The following EYS variants were observed in gnomAD, a reference collection of about 807,000 sequenced individuals.
EYS encodes protein eyes shut homolog.
EYS carries 250 observed loss-of-function variants against 282.1 expected under a neutral mutation model. The observed-to-expected ratio is 0.89, with a 90% CI of 0.80 to 0.98. EYS has a LOEUF of 0.98. Ranked by LOEUF, EYS falls within the 50% of genes least tolerant of loss-of-function variation. The pLI is 0.00. For synonymous variants in EYS, 1,355 were observed against 1,282.9 expected (o/e 1.06, Z -1.20); for missense variants, 4,016 against 3,709.0 (o/e 1.08, Z -2.15).
At chr6:64,286,792 A>G (rs1162986953) in intron 30 of EYS, among the ~76,000 whole-genome samples, 7 of 152,282 alleles carry the variant, frequency 4.6e-5, no homozygotes, top group African/African-American at 1.2e-4. Context: ...ATCTAATTTG[A>G]CATTGTTAAT....
chr6:64,329,066 G>T (rs1393398752), intron 29 of EYS, among the ~76,000 whole-genome samples: 1 of 152,138 alleles, frequency 6.6e-6, no homozygotes, highest in African/African-American at 2.4e-5. Context: ...ATTATTATGA[G>T]GACTGAGACA....
intron 22 of EYS, among the ~76,000 whole-genome samples, chr6:64,667,825 C>T (rs1262483611): frequency 6.6e-6 from 1 of 152,012 alleles, no homozygotes; most frequent in African/African-American, 2.4e-5. Flanking sequence ...ATAAAAAATG[C>T]TCTACAAGCA....
chr6:63,961,258 T>A (rs1766044975), intron 35 of EYS, among the ~76,000 whole-genome samples: 1 of 152,196 alleles, frequency 6.6e-6, no homozygotes, highest in Non-Finnish European at 1.5e-5. Context: ...TACATCTAGA[T>A]GGCCTGAAGC....
intron 22 of EYS, among the ~76,000 whole-genome samples, chr6:64,789,837 C>T (rs1774133552): frequency 1.3e-5 from 2 of 151,794 alleles, no homozygotes; most frequent in Admixed American, 6.6e-5. Flanking sequence ...GATAAGCCAG[C>T]ATCCAATGAC....
chr6:65,558,969 CT>C (rs1768926765), intron 2 of EYS, among the ~76,000 whole-genome samples: 1 of 152,028 alleles, frequency 6.6e-6, no homozygotes, highest in South Asian at 2.1e-4. Context: ...TATCACAGTC[CT>C]TTAAAATCTG....
At chr6:64,414,417 G>A (rs1774000997) in intron 28 of EYS, among the ~76,000 whole-genome samples, 1 of 152,022 alleles carries the variant, frequency 6.6e-6, no homozygotes, top group Non-Finnish European at 1.5e-5. Flanking sequence ...TTTCCAGGCA[G>A]CCTTGATTCA....
chr6:63,980,790 G>T (rs1036545063), intron 35 of EYS, among the ~76,000 whole-genome samples: 2 of 151,774 alleles, frequency 1.3e-5, no homozygotes, highest in African/African-American at 4.8e-5. Flanking sequence ...ATGGACTGAG[G>T]GAAAAAAACA....
intron 12 of EYS, among the ~76,000 whole-genome samples, chr6:65,152,260 G>T (rs9445477): frequency 0.12 from 18,285 of 151,898 alleles, 1,437 homozygotes; most frequent in African/African-American, 0.22. Context: ...GGCAGGAACT[G>T]TTTCATTTCT....
chr6:65,448,815 G>A (rs1372315507), intron 5 of EYS, among the ~76,000 whole-genome samples: 1 of 151,982 alleles, frequency 6.6e-6, no homozygotes, highest in East Asian at 1.9e-4. Context: ...CTTAAGACTT[G>A]ATGAAAATAG....
intron 19 of EYS, among the ~76,000 whole-genome samples, chr6:64,867,326 T>G (rs1766454505): frequency 6.6e-6 from 1 of 151,792 alleles, no homozygotes. Flanking sequence ...TTTCACCTAA[T>G]ACAACTTATT....
chr6:65,565,837 C>G (rs1375222748), intron 2 of EYS, among the ~76,000 whole-genome samples: 1 of 152,004 alleles, frequency 6.6e-6, no homozygotes, highest in Non-Finnish European at 1.5e-5. Flanking sequence ...TCTCAGCAAA[C>G]TAACACAGGA....
At chr6:65,042,425 T>G (rs1772966645) in intron 13 of EYS, among the ~76,000 whole-genome samples, 2 of 151,686 alleles carry the variant, frequency 1.3e-5, no homozygotes, top group Middle Eastern at 3.4e-3. Flanking sequence ...TGTTTTTTGT[T>G]GTAATTTTCT....
intron 31 of EYS, among the ~76,000 whole-genome samples, chr6:64,221,371 C>G (rs879930682): frequency 2.6e-5 from 4 of 152,012 alleles, no homozygotes; most frequent in Non-Finnish European, 5.9e-5. Flanking sequence ...GTTGGGCTCC[C>G]TTTTTCTTTT....
intron 19 of EYS, among the ~76,000 whole-genome samples, chr6:64,870,221 C>G (rs955302441): frequency 6.6e-6 from 1 of 151,516 alleles, no homozygotes; most frequent in Non-Finnish European, 1.5e-5. Flanking sequence ...CACCCCAAAT[C>G]TTACACATAA....
intron 19 of EYS, among the ~76,000 whole-genome samples, chr6:64,839,908 C>T (rs2812789): frequency 6.6e-6 from 1 of 151,458 alleles, no homozygotes; most frequent in African/African-American, 2.4e-5. Flanking sequence ...CCCCCCAAAT[C>T]CCCACCTCTT....
chr6:64,310,913 TAAAAATC>T (rs1244262423), intron 29 of EYS, among the ~76,000 whole-genome samples: 2 of 152,128 alleles, frequency 1.3e-5, no homozygotes, highest in Non-Finnish European at 2.9e-5. Flanking sequence ...AGCTCAAAGT[TAAAAATC>T]AAAAGAACAA....
intron 30 of EYS, among the ~76,000 whole-genome samples, chr6:64,279,611 T>C (rs771121712): frequency 6.6e-6 from 1 of 152,204 alleles, no homozygotes; most frequent in African/African-American, 2.4e-5. Flanking sequence ...ATTACTGTAT[T>C]AACACGCAGG....
intron 13 of EYS, among the ~76,000 whole-genome samples, chr6:65,000,761 G>A (rs1344881705): frequency 6.6e-6 from 1 of 152,190 alleles, no homozygotes; most frequent in Non-Finnish European, 1.5e-5. Context: ...CTGGAAGACA[G>A]AGCAAGACTC....
chr6:64,542,891 T>G (rs1251794359), intron 26 of EYS, among the ~76,000 whole-genome samples: 1 of 152,096 alleles, frequency 6.6e-6, no homozygotes, highest in African/African-American at 2.4e-5. Flanking sequence ...GATTTCTGTT[T>G]CATTTCTTAT....
Sources: allele counts gnomAD v4.1 joint callset (sites outside exome capture counted in the v4.1 genomes callset), GRCh38; gene constraint gnomAD v4.1.1; transcripts MANE v1.5; gene names NCBI Gene and HGNC (gene_info 2026-07-23, HGNC 2026-07-21).